DNAL4: variants seen among roughly 807,000 people sequenced by gnomAD.
The protein encoded by DNAL4 is dynein axonemal light chain 4.
In DNAL4, 10 loss-of-function variants were observed where a neutral mutation model predicts 12.6. The ratio of observed to expected loss-of-function variants is 0.79; its 90% CI spans 0.49 to 1.34. DNAL4 has a LOEUF of 1.34. Among genes scored for constraint, DNAL4 ranks in the 40% most tolerant of loss-of-function variants. DNAL4 has a pLI of 0.00. For synonymous variants in DNAL4, 46 were observed against 53.1 expected, an observed-to-expected ratio of 0.87 and a Z score of 0.58; for missense variants, 128 against 138.1, an observed-to-expected ratio of 0.93 and a Z score of 0.37.
chr22:38,783,639 T>C (rs1000368451), intron 1 of DNAL4, among the ~76,000 whole-genome samples: 2 of 152,248 alleles, frequency 1.3e-5, no homozygotes. Flanking sequence ...CTGGGTCCTG[T>C]CCTGCTGGCC....
In DNAL4 at chr22:38,783,283, T is replaced by TTCCCTCCCACTACAC. The variant is rs2093037165; in HGVS notation, c.-139-414_-139-413insGTGTAGTGGGAGGGA. Among the ~76,000 whole-genome samples, 21 of 127,502 alleles carry TTCCCTCCCACTACAC rather than the reference T, an allele frequency of 1.6e-4. 7 individuals carry two copies. Among genetic ancestry groups the TTCCCTCCCACTACAC allele is most frequent in the Non-Finnish European group, 2.0e-4 (12 of 59,072 alleles). 83.6% of individuals were successfully genotyped at this position (127,502 alleles called of 152,430 possible). ...CACACGGGCCTTCCCTCCCACTACA[T>TTCCCTCCCACTACAC]ACACGGGCCTTCCCTCCCACTACAC... On this transcript the variant is annotated intron_variant, in intron 1 of 3. Transcript: ENST00000216068.
rs373459643 is a variant in DNAL4, at chr22:38,782,649, C to T, written c.69+14G>A. On this transcript the variant is annotated intron_variant, in intron 2 of 3. Transcript: ENST00000216068. The surrounding 1 kb of genome is among the most constrained non-coding windows in gnomAD (Gnocchi z 5.1). ...GCCCTGCCGGCAGTCCTGCCTCCCT[C>T]CCCTGGGGCTTACCCTGACCAGAGG... The T allele has an allele frequency of 2.0e-5, 33 of 1,612,610 alleles. No individual in the cohort carries two copies. In the African/African-American group the frequency reaches 3.6e-4, roughly 18 times the overall value.
Position 38,779,659 on chromosome 22 carries a change from G to A in DNAL4, c.154-46C>T, listed in dbSNP as rs1670088322. 1 of 1,558,420 alleles carries A rather than the reference G, an allele frequency of 6.4e-7. No homozygotes were observed. Among genetic ancestry groups the A allele is most frequent in the South Asian group, 1.2e-5 (1 of 84,590 alleles). On this transcript the variant is annotated intron_variant, in intron 3 of 3. Coordinates refer to ENST00000216068, the MANE Select transcript of DNAL4 (RefSeq NM_005740.3). This position sits in a 1 kb window ranked among gnomAD's most constrained non-coding sequence, Gnocchi z 4.3. ...ATCAAGGGGGCGCAGGGCAGGTGGG[G>A]GCAGGAGTCAGGTCCTTCTCCAGGA...
At chr22:38,789,056 G>A (rs1603240319) in intron 1 of DNAL4, among the ~76,000 whole-genome samples, 1 of 152,114 alleles carries the variant, frequency 6.6e-6, no homozygotes, top group Non-Finnish European at 1.5e-5. Context: ...ATCCATTCAA[G>A]ACTATTTATT....
At chr22:38,784,413 C>T (rs2093039033) in intron 1 of DNAL4, among the ~76,000 whole-genome samples, 1 of 152,136 alleles carries the variant, frequency 6.6e-6, no homozygotes, top group South Asian at 2.1e-4. Context: ...GAGGCACTCA[C>T]AAGCATACAT....
intron 1 of DNAL4, among the ~76,000 whole-genome samples, chr22:38,787,014 G>C (rs1237049759): frequency 1.3e-5 from 2 of 152,140 alleles, no homozygotes; most frequent in Non-Finnish European, 2.9e-5. Context: ...CCCCCTGGGA[G>C]GGGGGCAGCC....
intron 1 of DNAL4, chr22:38,785,247 C>A (rs991746944): frequency 5.3e-5 from 8 of 152,198 alleles, no homozygotes; most frequent in Non-Finnish European, 1.2e-4. Context: ...CTTACTGCTT[C>A]CTCCTCTACC....
intron 1 of DNAL4, among the ~76,000 whole-genome samples, chr22:38,790,019 T>C (rs1169316851): frequency 4.1e-4 from 63 of 152,004 alleles, no homozygotes; most frequent in Admixed American, 3.7e-3. Flanking sequence ...TCCTGAAACC[T>C]ATGCTTACAT....
intron 1 of DNAL4, among the ~76,000 whole-genome samples, chr22:38,790,563 A>C (rs1331691967): frequency 1.3e-5 from 2 of 152,214 alleles, no homozygotes; most frequent in South Asian, 2.1e-4. Context: ...AGATGGAGGT[A>C]TCTAGTCAGG....
intron 1 of DNAL4, among the ~76,000 whole-genome samples, chr22:38,790,830 G>C (rs2093049415): frequency 6.6e-6 from 1 of 152,136 alleles, no homozygotes; most frequent in Non-Finnish European, 1.5e-5. Context: ...ACTAAATACT[G>C]TAGGCAACTG....
chr22:38,781,542 G>A (rs1372185558), intron 2 of DNAL4, among the ~76,000 whole-genome samples: 1 of 152,060 alleles, frequency 6.6e-6, no homozygotes, highest in African/African-American at 2.4e-5. Context: ...CCTCTCTGTG[G>A]GAGGGCTCCC....
intron 2 of DNAL4, 53 bp from the exon 3 acceptor site, chr22:38,781,062 G>A: frequency 6.2e-7 from 1 of 1,600,384 alleles, no homozygotes; most frequent in Non-Finnish European, 8.5e-7. Context: ...CCGTGACCTG[G>A]CCTTCCTGGC....
At chr22:38,781,045 G>A (rs200998987) in intron 2 of DNAL4, 36 bp from the exon 3 acceptor site, 10 of 1,611,564 alleles carry the variant, frequency 6.2e-6, no homozygotes, top group Middle Eastern at 3.3e-4. Context: ...CAAGAGACAG[G>A]CTTAGCCCGT....
chr22:38,780,125 CCT>C (rs1407908246), intron 3 of DNAL4, among the ~76,000 whole-genome samples: 3 of 152,202 alleles, frequency 2.0e-5, no homozygotes, highest in Non-Finnish European at 2.9e-5. Context: ...AGACGTGCCC[CCT>C]GTGTGAGGAG....
At position 38,782,710 on chromosome 22, in the gene DNAL4, T is replaced by A; in HGVS notation, c.22A>T (p.Lys8Ter). Residue 8 changes from lysine (K) to a stop codon, truncating the protein, a stop_gained, in exon 2 of 4, where the codon AAA becomes TAA. Coordinates refer to ENST00000216068, the MANE Select transcript of DNAL4 (RefSeq NM_005740.3). LOFTEE classifies it high-confidence loss of function. This position sits in a 1 kb window ranked among gnomAD's most constrained non-coding sequence, Gnocchi z 5.1. MGETEGK[K>*]DEADYKRLQT... ...AGTCGCTTATAATCAGCCTCATCTT[T>A]CTTCCCTTCTGTTTCTCCCATGATC... 2.5e-6 allele frequency: 4 copies of A among 1,613,376 alleles called. No homozygotes were observed. The highest frequency in any genetic ancestry group is 3.4e-6 in the Non-Finnish European group (4 of 1,179,740).
intron 1 of DNAL4, among the ~76,000 whole-genome samples, chr22:38,786,619 A>G (rs1329856536): frequency 6.6e-6 from 1 of 152,188 alleles, no homozygotes; most frequent in South Asian, 2.1e-4. Context: ...GGGTACTTGA[A>G]TCTCCTGGGT....
intron 3 of DNAL4, among the ~76,000 whole-genome samples, chr22:38,780,119 G>C (rs1302059936): frequency 6.6e-6 from 1 of 152,152 alleles, no homozygotes; most frequent in Non-Finnish European, 1.5e-5. Flanking sequence ...CTTTCAAGAC[G>C]TGCCCCCTGT....
In DNAL4 at chr22:38,784,975, A is replaced by G. The variant is rs574769490; in HGVS notation, c.-139-2105T>C. 1.2e-3 allele frequency among the ~76,000 whole-genome samples: 135 copies of G among 112,470 alleles called. 1 individual carries two copies. The highest frequency in any genetic ancestry group is 2.0e-3 in the Non-Finnish European group (104 of 52,012). The allele number at this position is 112,470 out of a possible 152,430, so 73.8% of individuals were successfully genotyped here. A position where few individuals can be genotyped will look rare whatever the true frequency, so the allele number is the denominator to read the frequency against. ...GCATGAGGCTGGAAGCCTGGCACAGACCCCCCCCCCCATCCAATGACATTG... is the reference window on the plus strand; with the variant it reads ...GCATGAGGCTGGAAGCCTGGCACAGGCCCCCCCCCCCATCCAATGACATTG... On this transcript the variant is annotated intron_variant, in intron 1 of 3. Coordinates refer to ENST00000216068, the MANE Select transcript of DNAL4 (RefSeq NM_005740.3).
chr22:38,785,117 C>A (rs1234713374), intron 1 of DNAL4, among the ~76,000 whole-genome samples: 2 of 152,182 alleles, frequency 1.3e-5, no homozygotes, highest in Non-Finnish European at 2.9e-5. Context: ...TGGTGAATTA[C>A]CAAGCACAAT....
Sources: allele counts gnomAD v4.1 joint callset (sites outside exome capture counted in the v4.1 genomes callset), GRCh38; gene constraint gnomAD v4.1.1; non-coding constraint Gnocchi (gnomAD v3.1); transcripts MANE v1.5; gene names NCBI Gene and HGNC (gene_info 2026-07-23, HGNC 2026-07-21).